PSD3: variants seen among roughly 807,000 people sequenced by gnomAD.
The protein encoded by PSD3 is pleckstrin and Sec7 domain containing 3.
PSD3 carries 49 observed loss-of-function variants against 105.5 expected under a neutral mutation model. The observed-to-expected ratio is 0.46, with a 90% CI of 0.37 to 0.59. The LOEUF (loss-of-function observed/expected upper bound fraction) is 0.59, where lower values mean the gene tolerates loss of function less well. Ranked by LOEUF, PSD3 falls within the 20% of genes least tolerant of loss-of-function variation. The pLI is 0.00. For missense variants in PSD3, 1,561 were observed against 1,263.8 expected, an observed-to-expected ratio of 1.24 and a Z score of -3.57; for synonymous variants, 557 against 457.8, an observed-to-expected ratio of 1.22 and a Z score of -2.77.
chr8:18,833,488 C>T (rs1813845275), intron 4 of PSD3, among the ~76,000 whole-genome samples: 1 of 152,164 alleles, frequency 6.6e-6, no homozygotes, highest in African/African-American at 2.4e-5. Flanking sequence ...TACATTTTAA[C>T]AGGAACTTTG....
chr8:18,998,821 C>A (rs1480916584), intron 1 of PSD3, among the ~76,000 whole-genome samples: 3 of 52,840 alleles, frequency 5.7e-5, no homozygotes, highest in Admixed American at 2.7e-4. Context: ...GTACAAAGCA[C>A]TTTATAGTTA....
In PSD3 at chr8:18,735,500, C is replaced by T. The variant is rs371932241; in HGVS notation, c.2172+29949G>A. Among the ~76,000 whole-genome samples the T allele has an allele frequency of 5.3e-5, 8 of 152,232 alleles. No individual in the cohort carries two copies. In the East Asian group the frequency reaches 9.7e-4, roughly 18 times the overall value. On this transcript the variant is annotated intron_variant, in intron 9 of 15. Transcript: ENST00000327040. ...GAATGCTTTCTTTGCTGCCTTTACA[C>T]TTTATATTCTTTATTCGCCCTACAA...
chr8:19,021,855 G>T (rs1217330925), intron 1 of PSD3, among the ~76,000 whole-genome samples: 2 of 152,112 alleles, frequency 1.3e-5, no homozygotes, highest in East Asian at 3.8e-4. Context: ...TGCTTCAACT[G>T]GAAGAGTGCA....
intron 1 of PSD3, among the ~76,000 whole-genome samples, chr8:19,042,837 C>G (rs986356946): frequency 2.0e-5 from 3 of 152,122 alleles, no homozygotes; most frequent in Non-Finnish European, 4.4e-5. Context: ...AACTGTACTT[C>G]CTAAAAAGAA....
chr8:19,069,124 G>GT (rs1346860732), intron 1 of PSD3, among the ~76,000 whole-genome samples: 1 of 152,200 alleles, frequency 6.6e-6, no homozygotes, highest in African/African-American at 2.4e-5. Context: ...ACCCAGTGCG[G>GT]TAATTATTTA....
intron 9 of PSD3, among the ~76,000 whole-genome samples, chr8:18,686,914 T>C (rs1800691020): frequency 6.6e-6 from 1 of 152,292 alleles, no homozygotes; most frequent in Middle Eastern, 3.4e-3. Context: ...TCAGTATCTT[T>C]TTCCAAAAGG....
intron 9 of PSD3, among the ~76,000 whole-genome samples, chr8:18,714,687 G>A (rs1802474508): frequency 6.6e-6 from 1 of 152,222 alleles, no homozygotes; most frequent in African/African-American, 2.4e-5. Flanking sequence ...TGGTAGGAAT[G>A]TAAGTTGGTT....
intron 2 of PSD3, among the ~76,000 whole-genome samples, chr8:18,912,208 G>C (rs920471542): frequency 6.6e-6 from 1 of 152,112 alleles, no homozygotes; most frequent in South Asian, 2.1e-4. Context: ...AGATATAACA[G>C]GGAATATTTG....
At chr8:19,023,491 C>A (rs540964130) in intron 1 of PSD3, among the ~76,000 whole-genome samples, 26 of 151,978 alleles carry the variant, frequency 1.7e-4, no homozygotes, top group African/African-American at 6.0e-4. Context: ...GGCTGTGGTG[C>A]AGTCATAGAT....
chr8:18,546,126 G>C (rs1005157257), intron 15 of PSD3, among the ~76,000 whole-genome samples: 4 of 152,138 alleles, frequency 2.6e-5, no homozygotes, highest in Non-Finnish European at 5.9e-5. Flanking sequence ...TCAGCAAGTA[G>C]ATGGGATTAC....
At chr8:18,968,413 C>T (rs951575078) in intron 1 of PSD3, among the ~76,000 whole-genome samples, 4 of 152,214 alleles carry the variant, frequency 2.6e-5, no homozygotes, top group African/African-American at 9.6e-5. Flanking sequence ...GAAAACCACA[C>T]ACGTTATTTC....
At chr8:18,855,924 C>A (rs139212761) in intron 4 of PSD3, among the ~76,000 whole-genome samples, 3 of 152,282 alleles carry the variant, frequency 2.0e-5, no homozygotes, top group African/African-American at 7.2e-5. Context: ...TCAAATGTTA[C>A]AGAAGCTTTA....
intron 1 of PSD3, among the ~76,000 whole-genome samples, chr8:19,068,315 G>C (rs1003292043): frequency 2.7e-5 from 4 of 150,496 alleles, no homozygotes; most frequent in Non-Finnish European, 4.4e-5. Context: ...TTTTGAGACA[G>C]GGTTCACTCT....
At chr8:18,994,067 T>C (rs985884787) in intron 1 of PSD3, among the ~76,000 whole-genome samples, 58 of 151,982 alleles carry the variant, frequency 3.8e-4, no homozygotes, top group African/African-American at 1.4e-3. Context: ...ATCTACCACT[T>C]ACCCACTGTG....
Position 18,531,287 on chromosome 8 carries a change from T to A in PSD3, c.*4456A>T, listed in dbSNP as rs1350307703. ...CTGTCATGCAGATTCAAGTATTTAA[T>A]GACATTCTCTCTATGAAGACATTCT... On this transcript the variant is annotated 3_prime_UTR_variant, in exon 16 of 16. Coordinates refer to ENST00000327040, the MANE Select transcript of PSD3 (RefSeq NM_015310.4). 3 of 152,688 alleles carry A rather than the reference T, an allele frequency of 2.0e-5. No individual in the cohort carries two copies. The highest frequency in any genetic ancestry group is 1.3e-4 in the Admixed American group (2 of 15,286). 9.5% of individuals were successfully genotyped at this position (152,688 alleles called of 1,614,324 possible).
chr8:18,944,150 T>C (rs1822719629), intron 1 of PSD3, among the ~76,000 whole-genome samples: 1 of 152,222 alleles, frequency 6.6e-6, no homozygotes, highest in African/African-American at 2.4e-5. Context: ...ATCTTCATGT[T>C]TCATGAGGCT....
chr8:18,775,084 C>T (rs1807918051), intron 8 of PSD3: 1 of 399,830 alleles, frequency 2.5e-6, no homozygotes, highest in Non-Finnish European at 5.0e-6. Flanking sequence ...TTTTAAGCCC[C>T]CCCAAGTTTG....
chr8:18,589,818 G>A (rs1370216750), intron 12 of PSD3, among the ~76,000 whole-genome samples: 1 of 152,172 alleles, frequency 6.6e-6, no homozygotes, highest in African/African-American at 2.4e-5. Flanking sequence ...AGCAAAGGCT[G>A]TGGGCAAGGG....
chr8:18,787,272 C>G (rs1394892239), intron 8 of PSD3, among the ~76,000 whole-genome samples: 1 of 152,112 alleles, frequency 6.6e-6, no homozygotes, highest in Non-Finnish European at 1.5e-5. Context: ...TTTAATAATA[C>G]TTTTTCATAT....
Sources: allele counts gnomAD v4.1 joint callset (sites outside exome capture counted in the v4.1 genomes callset), GRCh38; gene constraint gnomAD v4.1.1; transcripts MANE v1.5; gene names NCBI Gene and HGNC (gene_info 2026-07-23, HGNC 2026-07-21).